The following NPAS3 variants were observed in gnomAD, a reference collection of about 807,000 sequenced individuals.
The protein encoded by NPAS3 is neuronal PAS domain protein 3, also known as neuronal PAS domain-containing protein 3.
Under a neutral mutation model 73.1 loss-of-function variants are expected in NPAS3, and 14 were observed. That is an observed-to-expected ratio of 0.19 (90% CI 0.13 to 0.30). NPAS3 has a LOEUF of 0.30. NPAS3 is among the 10% of genes least tolerant of loss of function. The pLI is 1.00. For synonymous variants in NPAS3, 620 were observed against 541.5 expected, an observed-to-expected ratio of 1.14 and a Z score of -2.01; for missense variants, 1,096 against 1,250.0, an observed-to-expected ratio of 0.88 and a Z score of 1.86.
At chr14:33,482,699 C>A (rs10150715) in intron 4 of NPAS3, among the ~76,000 whole-genome samples, 52,711 of 151,768 alleles carry the variant, frequency 0.35, 12,812 homozygotes, top group African/African-American at 0.69. Context: ...AAGAGACCAG[C>A]GAGGTCTGGT....
In NPAS3 at chr14:33,115,582, A is replaced by G. The variant is rs377666175; in HGVS notation, c.140+59588A>G. Among the ~76,000 whole-genome samples, 25 of 152,284 alleles carry G rather than the reference A, an allele frequency of 1.6e-4. No homozygotes were observed. In the East Asian group the frequency reaches 2.5e-3, roughly 15 times the overall value. ...TCCTAGAAGGTGTTCCATCTTAACT[A>G]GAGACATTGAGTAAAGAAAGTACCT... On this transcript the variant is annotated intron_variant, in intron 2 of 11. Transcript: ENST00000356141.
intron 1 of NPAS3, among the ~76,000 whole-genome samples, chr14:32,997,223 C>T (rs575394377): frequency 1.3e-5 from 2 of 152,310 alleles, no homozygotes; most frequent in South Asian, 4.1e-4. Flanking sequence ...CCTGTACCTC[C>T]ATTGTTTCTA....
intron 4 of NPAS3, among the ~76,000 whole-genome samples, chr14:33,452,129 T>G (rs1471173470): frequency 6.6e-6 from 1 of 152,164 alleles, no homozygotes; most frequent in Non-Finnish European, 1.5e-5. Context: ...TCTATATTGG[T>G]TTAATTTTAA....
intron 4 of NPAS3, among the ~76,000 whole-genome samples, chr14:33,417,769 C>T (rs1411658298): frequency 6.6e-6 from 1 of 151,456 alleles, no homozygotes; most frequent in Non-Finnish European, 1.5e-5. Context: ...GAAAAAAAAA[C>T]ATGAGGAGAT....
chr14:33,222,073 T>C (rs532932729), intron 3 of NPAS3, among the ~76,000 whole-genome samples: 1 of 152,284 alleles, frequency 6.6e-6, no homozygotes, highest in African/African-American at 2.4e-5. Context: ...AAAGGCATGA[T>C]GTAATGATAA....
chr14:33,118,746 G>A (rs983384795), intron 2 of NPAS3, among the ~76,000 whole-genome samples: 1 of 152,054 alleles, frequency 6.6e-6, no homozygotes, highest in African/African-American at 2.4e-5. Flanking sequence ...AATAAAAGTA[G>A]TTGGACCTTT....
At chr14:33,308,352 A>C (rs2042842861) in intron 3 of NPAS3, among the ~76,000 whole-genome samples, 1 of 151,952 alleles carries the variant, frequency 6.6e-6, no homozygotes, top group African/African-American at 2.4e-5. Flanking sequence ...TATTGTCCAG[A>C]TGGCAGAAAA....
intron 5 of NPAS3, among the ~76,000 whole-genome samples, chr14:33,563,210 C>T (rs1269348300): frequency 6.6e-6 from 1 of 152,026 alleles, no homozygotes; most frequent in Non-Finnish European, 1.5e-5. Context: ...TCAATGTGTA[C>T]ATAAATGTGG....
At chr14:33,751,973 A>G (rs1246964364) in intron 7 of NPAS3, among the ~76,000 whole-genome samples, 2 of 152,226 alleles carry the variant, frequency 1.3e-5, no homozygotes, top group African/African-American at 4.8e-5. Flanking sequence ...AATCAAATAC[A>G]GTATATGACT....
intron 1 of NPAS3, among the ~76,000 whole-genome samples, chr14:33,005,932 C>T (rs1406677227): frequency 6.6e-6 from 1 of 152,150 alleles, no homozygotes; most frequent in Non-Finnish European, 1.5e-5. Context: ...AAACTCTGCC[C>T]CTAACACTTA....
intron 1 of NPAS3, among the ~76,000 whole-genome samples, chr14:32,981,734 C>CATCTTGGG (rs2037905383): frequency 6.6e-6 from 1 of 152,142 alleles, no homozygotes. Context: ...AGTCCTGCTT[C>CATCTTGGG]ATCTTGGGGT....
intron 7 of NPAS3, among the ~76,000 whole-genome samples, chr14:33,769,756 CTTTTTTTTTT>C (rs916953785): frequency 7.1e-4 from 58 of 81,886 alleles, no homozygotes; most frequent in African/African-American, 2.4e-3. Context: ...TTTTTTTTTT[CTTTTTTTTTT>C]TTTTTTTTTT....
At chr14:33,148,279 T>C (rs189521698) in intron 2 of NPAS3, among the ~76,000 whole-genome samples, 7 of 152,184 alleles carry the variant, frequency 4.6e-5, no homozygotes, top group African/African-American at 1.7e-4. Context: ...TGCTTAGAAA[T>C]GTACTAAATT....
chr14:32,960,363 A>G (rs1221587546), intron 1 of NPAS3, among the ~76,000 whole-genome samples: 1 of 152,178 alleles, frequency 6.6e-6, no homozygotes, highest in African/African-American at 2.4e-5. Context: ...CAGCAGGAGA[A>G]AAGTAAAAAT....
intron 4 of NPAS3, among the ~76,000 whole-genome samples, chr14:33,417,080 A>G (rs1481401796): frequency 6.6e-6 from 1 of 152,052 alleles, no homozygotes; most frequent in Non-Finnish European, 1.5e-5. Context: ...AAGTATATGC[A>G]AGATGATATA....
At chr14:33,501,404 G>A (rs945941508) in intron 4 of NPAS3, among the ~76,000 whole-genome samples, 7 of 151,884 alleles carry the variant, frequency 4.6e-5, no homozygotes, top group Middle Eastern at 3.4e-3. Flanking sequence ...ATCCAAATCT[G>A]TTATTCTCCT....
rs1261610511 is a variant in NPAS3 at position 33,455,781 on chromosome 14, G to A, written c.468+88513G>A. On this transcript the variant is annotated intron_variant, in intron 4 of 11. Coordinates refer to ENST00000356141, the Ensembl canonical transcript of NPAS3. ...TGACATGATTAAACAGGATGTTAAC[G>A]AGTGGCTCCTCTAAGAGTCTTGCTC... is the stretch of plus-strand genomic sequence containing the variant. Among the ~76,000 whole-genome samples the A allele has an allele frequency of 5.9e-5, 9 of 152,164 alleles. No homozygotes were observed. In the South Asian group the frequency reaches 1.0e-3, roughly 18 times the overall value.
chr14:32,951,626 T>C (rs2036487134), intron 1 of NPAS3, among the ~76,000 whole-genome samples: 2 of 152,116 alleles, frequency 1.3e-5, no homozygotes, highest in African/African-American at 4.8e-5. Context: ...ATTGAGACAG[T>C]AGAAGAACTC....
intron 3 of NPAS3, among the ~76,000 whole-genome samples, chr14:33,362,888 A>G (rs1268064290): frequency 5.9e-5 from 9 of 152,168 alleles, no homozygotes; most frequent in African/African-American, 2.2e-4. Flanking sequence ...ACAGTGTCAC[A>G]GTCCTCTTCA....
Sources: allele counts gnomAD v4.1 joint callset (sites outside exome capture counted in the v4.1 genomes callset), GRCh38; gene constraint gnomAD v4.1.1; transcripts MANE v1.5; gene names NCBI Gene and HGNC (gene_info 2026-07-23, HGNC 2026-07-21).